The following BRD4 variants were observed in gnomAD, a reference collection of about 807,000 sequenced individuals.
The protein encoded by BRD4 is bromodomain-containing protein 4.
BRD4 carries 16 observed loss-of-function variants against 142.1 expected under a neutral mutation model. The ratio of observed to expected loss-of-function variants is 0.11; its 90% CI spans 0.08 to 0.17. The LOEUF (loss-of-function observed/expected upper bound fraction) is 0.17, where lower values mean the gene tolerates loss of function less well. Ranked by LOEUF, BRD4 falls within the 10% of genes least tolerant of loss-of-function variation. The pLI, the probability that BRD4 is intolerant of heterozygous loss-of-function variation, is 1.00. For synonymous variants in BRD4, 833 were observed against 707.5 expected (o/e 1.18, Z -2.82); for missense variants, 1,424 against 1,810.9 (o/e 0.79, Z 3.88).
chr19:15,239,367 G>A lies in BRD4; in HGVS notation c.3576+25C>T, dbSNP rs201061856. 9.3e-6 allele frequency: 15 copies of A among 1,614,052 alleles called. No individual in the cohort carries two copies. Among genetic ancestry groups the A allele is most frequent in the African/African-American group, 2.7e-5 (2 of 74,932 alleles). Reference sequence around the variant, plus strand: ...CACCTTCCAGGGCCAAGGGGCAAGCGACACCCATGGACCTCCATCCCAACC... The same window carrying A: ...CACCTTCCAGGGCCAAGGGGCAAGCAACACCCATGGACCTCCATCCCAACC... On this transcript the variant is annotated intron_variant, in intron 17 of 19. Coordinates refer to ENST00000679869, the MANE Select transcript of BRD4 (RefSeq NM_001379291.1). This position sits in a 1 kb window ranked among gnomAD's most constrained non-coding sequence, Gnocchi z 7.4.
rs2047267801 is a variant in BRD4 at position 15,244,525 on chromosome 19, G to C, written c.2287C>G (p.Gln763Glu). The C allele has an allele frequency of 6.4e-7, 1 of 1,561,402 alleles. No homozygotes were observed. Among genetic ancestry groups the C allele is most frequent in the Non-Finnish European group, 8.6e-7 (1 of 1,162,164 alleles). Residue 763 changes from glutamine (Q) to glutamate (E), a missense_variant, in exon 13 of 20, where the codon CAG becomes GAG. Transcript: ENST00000679869. ...VPQQPPPPPQ[Q>E]PPPPPPPQQQ... ...TGCGGAGGTGGAGGCGGTGGGGGCT[G>C]CTGGGGAGGCGGGGGCGGCTGCTGG...
At chr19:15,252,096 T>A (rs1205088368) in intron 11 of BRD4, among the ~76,000 whole-genome samples, 1 of 151,980 alleles carries the variant, frequency 6.6e-6, no homozygotes, top group Non-Finnish European at 1.5e-5. Flanking sequence ...TAATAAAATC[T>A]CGGCAGCGGC....
rs202044814 is a variant in BRD4 at position 15,267,377 on chromosome 19, G to A, written c.559+39C>T. On this transcript the variant is annotated intron_variant, in intron 4 of 19. Coordinates refer to ENST00000679869, the MANE Select transcript of BRD4 (RefSeq NM_001379291.1). Reference sequence around the variant, plus strand: ...CAAACTTGGAAAAGGGACAAAGGTCGGGGAGAAAGCCAATTTACTTGCTAT... The same window carrying A: ...CAAACTTGGAAAAGGGACAAAGGTCAGGGAGAAAGCCAATTTACTTGCTAT... The A allele has an allele frequency of 6.7e-5, 107 of 1,606,576 alleles. 2 individuals are homozygous for A. In the East Asian group the frequency reaches 1.2e-3, roughly 18 times the overall value.
chr19:15,260,415 A>T (rs1453672453), intron 7 of BRD4, among the ~76,000 whole-genome samples: 1 of 152,192 alleles, frequency 6.6e-6, no homozygotes, highest in Non-Finnish European at 1.5e-5. Context: ...GATGCAGAGA[A>T]AGTAGAGAGA....
intron 14 of BRD4, among the ~76,000 whole-genome samples, chr19:15,241,835 T>TA (rs2047240386): frequency 7.2e-6 from 1 of 139,030 alleles, no homozygotes; most frequent in African/African-American, 2.7e-5. Context: ...TTTTTTGAGA[T>TA]AGAGTCTCCA....
At chr19:15,240,651 C>T (rs1473407430) in intron 14 of BRD4, among the ~76,000 whole-genome samples, 1 of 152,202 alleles carries the variant, frequency 6.6e-6, no homozygotes, top group African/African-American at 2.4e-5. Flanking sequence ...AACAGGCCAG[C>T]CTGACACCTG....
At chr19:15,246,024 C>A (rs1036444543) in intron 11 of BRD4, among the ~76,000 whole-genome samples, 5 of 152,224 alleles carry the variant, frequency 3.3e-5, no homozygotes, top group African/African-American at 7.2e-5. Context: ...GAGCTCACCA[C>A]TCCACGCCAG....
In BRD4 at chr19:15,242,912, G is replaced by A; in HGVS notation, c.3157C>T (p.Pro1053Ser). 6.2e-7 allele frequency: 1 copy of A among 1,607,532 alleles called. No homozygotes were observed. The highest frequency in any genetic ancestry group is 8.5e-7 in the Non-Finnish European group (1 of 1,177,830). The part of the protein sequence containing the change: ...HHSPRHHKSD[P>S]YSTGHLREAP... ...GAGGACCACTTACCGGTTGAGTAGG[G>A]GTCCGACTTGTGGTGCCGGGGTGAA... The change falls in exon 14 of 20, where the codon CCC becomes TCC. Residue 1053 changes from proline (P) to serine (S), a missense_variant. Pro to Ser is a moderately conservative substitution (Grantham distance 74). Around this residue, in one of 16 missense-constraint regions of BRD4, gnomAD observed 598 missense variants for 647.8 expected, o/e 0.92. Coordinates refer to ENST00000679869, the MANE Select transcript of BRD4 (RefSeq NM_001379291.1).
At chr19:15,281,798 G>A (rs2047706628) in intron 1 of BRD4, among the ~76,000 whole-genome samples, 1 of 152,146 alleles carries the variant, frequency 6.6e-6, no homozygotes, top group African/African-American at 2.4e-5. Flanking sequence ...CGGGTGGATT[G>A]CCTGAGTTCA....
chr19:15,312,018 G>A (rs1054331221), intron 1 of BRD4, among the ~76,000 whole-genome samples: 12 of 152,182 alleles, frequency 7.9e-5, no homozygotes, highest in African/African-American at 2.9e-4. Flanking sequence ...TATGCATATA[G>A]TTTACACTGT....
At chr19:15,278,262 T>C (rs1280685851) in intron 1 of BRD4, among the ~76,000 whole-genome samples, 4 of 151,720 alleles carry the variant, frequency 2.6e-5, no homozygotes, top group African/African-American at 9.7e-5. Context: ...GGGCCAGGCA[T>C]GGCGGGCCAC....
chr19:15,315,660 G>C (rs2048010722), intron 1 of BRD4, among the ~76,000 whole-genome samples: 1 of 152,060 alleles, frequency 6.6e-6, no homozygotes, highest in Non-Finnish European at 1.5e-5. Flanking sequence ...TTAAAGACCA[G>C]TCTGAAAATA....
At chr19:15,315,869 G>A (rs2048012988) in intron 1 of BRD4, among the ~76,000 whole-genome samples, 2 of 151,052 alleles carry the variant, frequency 1.3e-5, no homozygotes, top group East Asian at 2.0e-4. Flanking sequence ...TCAAGACCGA[G>A]AAGCGGCCGG....
At chr19:15,250,901 C>T (rs2047336779) in intron 11 of BRD4, among the ~76,000 whole-genome samples, 1 of 152,224 alleles carries the variant, frequency 6.6e-6, no homozygotes, top group African/African-American at 2.4e-5. Context: ...CAGCCTGCTC[C>T]ACCCAGGTCT....
At chr19:15,318,231 G>C (rs2048032511) in intron 1 of BRD4, among the ~76,000 whole-genome samples, 1 of 152,140 alleles carries the variant, frequency 6.6e-6, no homozygotes. Context: ...AATGGTACAT[G>C]AATGAGGGAA....
chr19:15,292,897 G>A (rs2047795011), intron 1 of BRD4, among the ~76,000 whole-genome samples: 1 of 151,276 alleles, frequency 6.6e-6, no homozygotes, highest in South Asian at 2.1e-4. Context: ...GGATGTGAAA[G>A]GATTGCAGCA....
Position 15,239,526 on chromosome 19 carries a change from G to T in BRD4, c.3446-4C>A. 2.5e-6 allele frequency: 4 copies of T among 1,609,994 alleles called. No homozygotes were observed. The highest frequency in any genetic ancestry group is 3.4e-6 in the Non-Finnish European group (4 of 1,178,484). The stretch of plus-strand genomic sequence containing the variant: ...TCCACAGGCTTCATTTCCGGCCCTG[G>T]AACATAAACAGCCGGTGGGCCCTGG... On this transcript the variant is annotated splice_region_variant and splice_polypyrimidine_tract_variant and intron_variant, in intron 16 of 19. Coordinates refer to ENST00000679869, the MANE Select transcript of BRD4 (RefSeq NM_001379291.1). This position sits in a 1 kb window ranked among gnomAD's most constrained non-coding sequence, Gnocchi z 7.4.
intron 11 of BRD4, chr19:15,247,232 CAGAGG>C (rs2047296556): frequency 4.3e-6 from 1 of 230,174 alleles, no homozygotes; most frequent in East Asian, 6.2e-5. Context: ...AAGGTCAGGG[CAGAGG>C]AGAGGAGTCC....
chr19:15,318,969 G>A (rs1398077287), intron 1 of BRD4, among the ~76,000 whole-genome samples: 1 of 152,130 alleles, frequency 6.6e-6, no homozygotes, highest in African/African-American at 2.4e-5. Flanking sequence ...TTTTTGCAAG[G>A]ACAAACCAAA....
Sources: gnomAD v4.1 joint callset for allele counts (sites outside exome capture counted in the v4.1 genomes callset) on GRCh38, gnomAD v4.1.1 for gene constraint, gnomAD v4.1.1 regional missense constraint, Gnocchi (gnomAD v3.1) non-coding constraint, MANE v1.5 for transcripts, NCBI Gene and HGNC (gene_info 2026-07-23, HGNC 2026-07-21) for gene names.